RIMBP2: variants seen among roughly 807,000 people sequenced by gnomAD.
RIMBP2 encodes the protein RIMS binding protein 2, also known as RIMS-binding protein 2.
Under a neutral mutation model 118.6 loss-of-function variants are expected in RIMBP2, and 48 were observed. The ratio of observed to expected loss-of-function variants is 0.40; its 90% CI spans 0.32 to 0.51. RIMBP2 has a LOEUF of 0.51. Among genes scored for constraint, RIMBP2 ranks in the 20% least tolerant of loss-of-function variants. The probability of loss-of-function intolerance (pLI) is 0.41; values close to 1 mark genes in which losing one functional copy is unlikely to be tolerated. For missense variants in RIMBP2, 1,551 were observed against 1,768.3 expected, an observed-to-expected ratio of 0.88 and a Z score of 2.20; for synonymous variants, 762 against 742.9, an observed-to-expected ratio of 1.03 and a Z score of -0.42.
chr12:130,624,932 C>G (rs991092408), intron 2 of RIMBP2, among the ~76,000 whole-genome samples: 2 of 152,140 alleles, frequency 1.3e-5, no homozygotes, highest in African/African-American at 4.8e-5. Flanking sequence ...ACCATGTTGG[C>G]CAGGCTAGTC....
At chr12:130,498,465 A>G (rs539836909) in intron 4 of RIMBP2, among the ~76,000 whole-genome samples, 196 of 152,322 alleles carry the variant, frequency 1.3e-3, no homozygotes, top group African/African-American at 4.4e-3. Context: ...ACAGGCAGAC[A>G]GTTAAAGCAG....
chr12:130,480,326 A>G (rs559836803), intron 4 of RIMBP2, among the ~76,000 whole-genome samples: 75 of 152,282 alleles, frequency 4.9e-4, no homozygotes, highest in African/African-American at 1.7e-3. Context: ...TTGGCCACGC[A>G]TGCCTCCAGG....
intron 2 of RIMBP2, among the ~76,000 whole-genome samples, chr12:130,540,638 A>G (rs1277790456): frequency 6.6e-6 from 1 of 151,584 alleles, no homozygotes; most frequent in Non-Finnish European, 1.5e-5. Context: ...CTGCTGACCA[A>G]CTCCCTGCCT....
At chr12:130,566,251 G>A (rs1371974223) in intron 2 of RIMBP2, among the ~76,000 whole-genome samples, 1 of 152,058 alleles carries the variant, frequency 6.6e-6, no homozygotes, top group Non-Finnish European at 1.5e-5. Flanking sequence ...GGGCAATTCT[G>A]GGCCCCACTT....
At chr12:130,547,842 A>T (rs988628956) in intron 2 of RIMBP2, among the ~76,000 whole-genome samples, 9 of 152,188 alleles carry the variant, frequency 5.9e-5, no homozygotes, top group African/African-American at 1.9e-4. Flanking sequence ...GATTAGAGAA[A>T]CTTATTATAT....
chr12:130,411,588 C>T (rs896221085), intron 19 of RIMBP2, among the ~76,000 whole-genome samples: 1 of 152,086 alleles, frequency 6.6e-6, no homozygotes, highest in Non-Finnish European at 1.5e-5. Flanking sequence ...ATCAAGTTAC[C>T]GTTCCTTAAC....
chr12:130,573,952 G>C (rs1175829124), intron 2 of RIMBP2, among the ~76,000 whole-genome samples: 5 of 152,076 alleles, frequency 3.3e-5, no homozygotes, highest in Non-Finnish European at 7.3e-5. Context: ...GTGAAGAAGG[G>C]AAAGAGTTGC....
At chr12:130,685,765 A>G (rs1293597014) in intron 1 of RIMBP2, among the ~76,000 whole-genome samples, 1 of 152,182 alleles carries the variant, frequency 6.6e-6, no homozygotes, top group African/African-American at 2.4e-5. Context: ...TGAGATTCAC[A>G]GATGCCCTGC....
chr12:130,556,919 T>C (rs2056412599), intron 2 of RIMBP2, among the ~76,000 whole-genome samples: 1 of 152,152 alleles, frequency 6.6e-6, no homozygotes, highest in Non-Finnish European at 1.5e-5. Flanking sequence ...GTCTTGCATC[T>C]CGGCTTCTTG....
chr12:130,517,284 G>C (rs1157196451), intron 3 of RIMBP2, among the ~76,000 whole-genome samples: 2 of 152,126 alleles, frequency 1.3e-5, no homozygotes. Context: ...ATACCACCTT[G>C]GGACCCTACA....
chr12:130,475,717 T>C lies in RIMBP2; in HGVS notation c.102+3195A>G, dbSNP rs1307711892. 3.3e-5 allele frequency among the ~76,000 whole-genome samples: 5 copies of C among 151,794 alleles called. No individual in the cohort carries two copies. The highest frequency in any genetic ancestry group is 1.2e-4 in the African/African-American group (5 of 41,296). On this transcript the variant is annotated intron_variant, in intron 5 of 22. Transcript: ENST00000690449. The surrounding 1 kb of genome is among the most constrained non-coding windows in gnomAD (Gnocchi z 4.1). The stretch of plus-strand genomic sequence containing the variant: ...AGCAGGGTATTGGGGAACAAAGGAA[T>C]GATGGGTACACAGAGAAGTAAGACA...
In RIMBP2 at chr12:130,622,195, T is replaced by C. The variant is rs559996515; in HGVS notation, c.-217+6127A>G. Among the ~76,000 whole-genome samples, 89 of 152,244 alleles carry C rather than the reference T, an allele frequency of 5.8e-4. No homozygotes were observed. Among genetic ancestry groups the C allele is most frequent in the Non-Finnish European group, 8.2e-4 (56 of 68,030 alleles). On this transcript the variant is annotated intron_variant, in intron 2 of 22. Transcript: ENST00000690449. The surrounding 1 kb of genome is among the most constrained non-coding windows in gnomAD (Gnocchi z 8.5). Reference sequence around the variant, plus strand: ...GCAGGCCTGTTTGTTTCAGGTTGGATCCTGGGTAACAGGCAGGGCCTGTGG... The same window carrying C: ...GCAGGCCTGTTTGTTTCAGGTTGGACCCTGGGTAACAGGCAGGGCCTGTGG...
intron 3 of RIMBP2, among the ~76,000 whole-genome samples, chr12:130,508,963 T>C (rs2895136): frequency 0.042 from 6,462 of 152,182 alleles, 201 homozygotes; most frequent in South Asian, 0.18. Context: ...CCTCATGGCC[T>C]GCACCCCCCG....
intron 1 of RIMBP2, among the ~76,000 whole-genome samples, chr12:130,638,214 G>A (rs10744475): frequency 0.71 from 107,777 of 152,054 alleles, 38,746 homozygotes; most frequent in Middle Eastern, 0.79. Flanking sequence ...ATTAAGTTCA[G>A]CTTAGAATTA....
At chr12:130,560,617 C>T (rs961704517) in intron 2 of RIMBP2, among the ~76,000 whole-genome samples, 4 of 152,240 alleles carry the variant, frequency 2.6e-5, no homozygotes, top group African/African-American at 9.6e-5. Flanking sequence ...GCTGACTCCT[C>T]GCGTGGCCAA....
chr12:130,406,311 T>C, intron 20 of RIMBP2, 68 bp from the exon 21 acceptor site: 1 of 1,003,236 alleles, frequency 1.0e-6, no homozygotes, highest in Non-Finnish European at 1.5e-6. Context: ...TAAAAATAAG[T>C]TCTCTATGCT....
chr12:130,504,020 T>C (rs2050063195), intron 4 of RIMBP2, among the ~76,000 whole-genome samples: 2 of 152,266 alleles, frequency 1.3e-5, no homozygotes, highest in African/African-American at 4.8e-5. Flanking sequence ...TCAGGTTAAA[T>C]ATCACTGTGT....
At chr12:130,695,864 G>A (rs1032961983) in intron 1 of RIMBP2, among the ~76,000 whole-genome samples, 2 of 151,990 alleles carry the variant, frequency 1.3e-5, no homozygotes, top group Admixed American at 6.6e-5. Flanking sequence ...CTATGGTTTG[G>A]ATATGGGCTT....
At chr12:130,639,683 C>T (rs776467772) in intron 1 of RIMBP2, among the ~76,000 whole-genome samples, 1 of 152,096 alleles carries the variant, frequency 6.6e-6, no homozygotes, top group Non-Finnish European at 1.5e-5. Context: ...GGGGCTGGGA[C>T]TACCGTGTCC....
Sources: gnomAD v4.1 joint callset for allele counts (sites outside exome capture counted in the v4.1 genomes callset) on GRCh38, gnomAD v4.1.1 for gene constraint, Gnocchi (gnomAD v3.1) non-coding constraint, MANE v1.5 for transcripts, NCBI Gene and HGNC (gene_info 2026-07-23, HGNC 2026-07-21) for gene names.